Variants in RIMS2 observed in about 807,000 individuals in gnomAD.
RIMS2 encodes the protein regulating synaptic membrane exocytosis protein 2.
In RIMS2, 59 loss-of-function variants were observed where a neutral mutation model predicts 174.4. The observed-to-expected ratio is 0.34, with a 90% CI of 0.27 to 0.42. The LOEUF (loss-of-function observed/expected upper bound fraction) is 0.42. Among genes scored for constraint, RIMS2 ranks in the 10% least tolerant of loss-of-function variants. RIMS2 has a pLI of 1.00. For missense variants in RIMS2, 1,620 were observed against 1,666.3 expected (o/e 0.97, Z 0.48); for synonymous variants, 606 against 572.5 (o/e 1.06, Z -0.84).
rs1368725169 is a variant in RIMS2 at position 103,661,988 on chromosome 8, A to G, written c.177-35098A>G. 4.6e-5 allele frequency among the ~76,000 whole-genome samples: 7 copies of G among 152,346 alleles called. No homozygotes were observed. The East Asian group carries it at 1.4e-3, about 29-fold the overall frequency. On this transcript the variant is annotated intron_variant, in intron 1 of 23. Coordinates refer to ENST00000504942, the Ensembl canonical transcript of RIMS2. ...TACAGAGAATGATATTGAGAATGATATAGACCTGGGGTGTCCAATCTTTTG... is the reference window on the plus strand; with the variant it reads ...TACAGAGAATGATATTGAGAATGATGTAGACCTGGGGTGTCCAATCTTTTG...
chr8:104,103,039 A>G (rs543516416), intron 19 of RIMS2, among the ~76,000 whole-genome samples: 1 of 152,370 alleles, frequency 6.6e-6, no homozygotes, highest in African/African-American at 2.4e-5. Flanking sequence ...ACAATGGAAT[A>G]TTATTCAGCT....
chr8:103,549,378 T>C (rs4259390), intron 1 of RIMS2, among the ~76,000 whole-genome samples: 5,553 of 152,224 alleles, frequency 0.036, 323 homozygotes, highest in African/African-American at 0.12. Context: ...CTAAGCTTCA[T>C]AAGTGCAGGA....
chr8:103,546,653 T>G (rs1401307191), intron 1 of RIMS2, among the ~76,000 whole-genome samples: 4 of 152,072 alleles, frequency 2.6e-5, no homozygotes, highest in African/African-American at 9.7e-5. Context: ...CCTCAGCAGA[T>G]TCAAAAACAC....
At chr8:104,149,427 G>T (rs2098671125) in intron 19 of RIMS2, among the ~76,000 whole-genome samples, 1 of 152,172 alleles carries the variant, frequency 6.6e-6, no homozygotes, top group Admixed American at 6.5e-5. Context: ...TGACAGTGAA[G>T]ATATTCAAAG....
At chr8:103,735,507 A>G (rs1414757542) in intron 2 of RIMS2, among the ~76,000 whole-genome samples, 1 of 150,884 alleles carries the variant, frequency 6.6e-6, no homozygotes, top group Non-Finnish European at 1.5e-5. Flanking sequence ...TTTGGTTTTG[A>G]TTCTGTTTTT....
At chr8:103,822,095 T>A (rs932555473) in intron 3 of RIMS2, among the ~76,000 whole-genome samples, 1 of 151,564 alleles carries the variant, frequency 6.6e-6, no homozygotes. Context: ...AAAAAAGCCA[T>A]CAATTTGGAC....
intron 1 of RIMS2, among the ~76,000 whole-genome samples, chr8:103,613,126 G>C (rs1203193192): frequency 1.3e-5 from 2 of 152,200 alleles, no homozygotes; most frequent in South Asian, 2.1e-4. Context: ...CTTTCCTTCA[G>C]GGTGGTGCAT....
chr8:103,507,923 T>C (rs1824482716), intron 1 of RIMS2, among the ~76,000 whole-genome samples: 2 of 152,110 alleles, frequency 1.3e-5, no homozygotes, highest in Admixed American at 1.3e-4. Flanking sequence ...CATAATCATA[T>C]GAACACATAA....
chr8:103,853,958 A>C (rs950940197), intron 3 of RIMS2, among the ~76,000 whole-genome samples: 3 of 151,992 alleles, frequency 2.0e-5, no homozygotes, highest in Non-Finnish European at 2.9e-5. Flanking sequence ...ATTTCATTGA[A>C]CCTGTAAATT....
chr8:103,578,943 A>G (rs1259099331), intron 1 of RIMS2, among the ~76,000 whole-genome samples: 1 of 151,984 alleles, frequency 6.6e-6, no homozygotes, highest in Non-Finnish European at 1.5e-5. Context: ...TGAGCTGAGA[A>G]TGCACCATTG....
chr8:103,553,469 G>A (rs1587586594), intron 1 of RIMS2, among the ~76,000 whole-genome samples: 1 of 152,084 alleles, frequency 6.6e-6, no homozygotes, highest in Middle Eastern at 3.4e-3. Context: ...GGAGGGGAGG[G>A]ATAGCATTAG....
chr8:103,925,874 G>A (rs1253893732), intron 10 of RIMS2, among the ~76,000 whole-genome samples: 1 of 151,534 alleles, frequency 6.6e-6, no homozygotes, highest in Non-Finnish European at 1.5e-5. Context: ...CCACTGAATT[G>A]TATACTTTAA....
At chr8:104,035,465 A>G (rs1203889033) in intron 19 of RIMS2, among the ~76,000 whole-genome samples, 1 of 151,124 alleles carries the variant, frequency 6.6e-6, no homozygotes, top group Non-Finnish European at 1.5e-5. Context: ...GTACATTTCC[A>G]TATTGTGTTC....
At chr8:103,875,420 A>C (rs1384764651) in intron 3 of RIMS2, among the ~76,000 whole-genome samples, 1 of 151,876 alleles carries the variant, frequency 6.6e-6, no homozygotes, top group African/African-American at 2.4e-5. Context: ...GTTCCATCGA[A>C]GTTGCTGCAA....
At chr8:103,916,644 TG>T in intron 8 of RIMS2, 107 bp downstream of exon 11, 3 of 891,734 alleles carry the variant, frequency 3.4e-6, no homozygotes, top group South Asian at 4.3e-5. Flanking sequence ...TGAATTATTT[TG>T]TAGACAATAA....
chr8:104,018,456 A>G (rs1296867858), intron 19 of RIMS2, among the ~76,000 whole-genome samples: 1 of 152,234 alleles, frequency 6.6e-6, no homozygotes, highest in African/African-American at 2.4e-5. Context: ...TACTTAAGCT[A>G]TCTAGGCAAT....
At chr8:103,892,840 G>A (rs1291568469) in intron 4 of RIMS2, among the ~76,000 whole-genome samples, 1 of 152,030 alleles carries the variant, frequency 6.6e-6, no homozygotes, top group Admixed American at 6.6e-5. Context: ...AGGCTGTTAT[G>A]TTGGATTGGA....
intron 1 of RIMS2, among the ~76,000 whole-genome samples, chr8:103,657,822 T>TAG (rs1482872643): frequency 1.3e-5 from 2 of 152,190 alleles, no homozygotes; most frequent in African/African-American, 4.8e-5. Context: ...TTGGTTGGTA[T>TAG]AGCTGAGCCC....
At chr8:103,546,915 G>A (rs1003130604) in intron 1 of RIMS2, among the ~76,000 whole-genome samples, 12 of 152,256 alleles carry the variant, frequency 7.9e-5, no homozygotes, top group African/African-American at 1.9e-4. Context: ...GGCAAACAAG[G>A]TACATCTTAA....
Sources: allele counts gnomAD v4.1 joint callset (sites outside exome capture counted in the v4.1 genomes callset), GRCh38; gene constraint gnomAD v4.1.1; transcripts MANE v1.5; gene names NCBI Gene and HGNC (gene_info 2026-07-23, HGNC 2026-07-21).